CHN1: variants seen among roughly 807,000 people sequenced by gnomAD.
CHN1 encodes N-chimaerin.
CHN1 carries 37 observed loss-of-function variants against 59.5 expected under a neutral mutation model. That is an observed-to-expected ratio of 0.62 (90% CI 0.48 to 0.82). CHN1 has a LOEUF of 0.82. CHN1 is among the 40% of genes least tolerant of loss of function. The probability of loss-of-function intolerance (pLI) is 0.00; values close to 1 mark genes in which losing one functional copy is unlikely to be tolerated. For missense variants in CHN1, 469 were observed against 571.0 expected, an observed-to-expected ratio of 0.82 and a Z score of 1.82; for synonymous variants, 206 against 200.4, an observed-to-expected ratio of 1.03 and a Z score of -0.24.
intron 11 of CHN1, among the ~76,000 whole-genome samples, chr2:174,807,190 T>C (rs1356076627): frequency 1.3e-5 from 2 of 152,080 alleles, no homozygotes; most frequent in Non-Finnish European, 2.9e-5. Context: ...GGAGAGGTCA[T>C]TTGGAATTGT....
Position 174,994,589 on chromosome 2 carries a change from G to A in CHN1, c.19+10305C>T, listed in dbSNP as rs986068614. Among the ~76,000 whole-genome samples, 64 of 152,204 alleles carry A rather than the reference G, an allele frequency of 4.2e-4. 2 individuals carry two copies. ...ACGTCACCACACAATAAGTGCTAGG[G>A]CAGAGATGGGTAGTATAGGGCACTC... On this transcript the variant is annotated intron_variant, in intron 1 of 12. Transcript: ENST00000409900.
At chr2:174,813,504 A>G (rs1486841142) in intron 8 of CHN1, among the ~76,000 whole-genome samples, 1 of 152,238 alleles carries the variant, frequency 6.6e-6, no homozygotes, top group Non-Finnish European at 1.5e-5. Flanking sequence ...TATAACTTCT[A>G]AGATGCCAGA....
intron 1 of CHN1, among the ~76,000 whole-genome samples, chr2:174,962,726 A>G (rs991133294): frequency 1.5e-5 from 2 of 130,744 alleles, no homozygotes; most frequent in East Asian, 5.2e-4. Flanking sequence ...CCTAGCCAAC[A>G]GGGTGAAACC....
At chr2:174,994,140 TTTG>T (rs1253208296) in intron 1 of CHN1, among the ~76,000 whole-genome samples, 1 of 152,228 alleles carries the variant, frequency 6.6e-6, no homozygotes, top group Non-Finnish European at 1.5e-5. Flanking sequence ...TGAAGTGGAA[TTTG>T]TTATCTAATT....
rs139805071 is a variant in CHN1, at chr2:174,844,562, G to A, written c.627+2318C>T. ...TGACAAGGATACATGAATGATTATC[G>A]TCATGGAAATGCTACGGTTTTTCCC... On this transcript the variant is annotated intron_variant, in intron 7 of 12. Transcript: ENST00000409900. Among the ~76,000 whole-genome samples the A allele has an allele frequency of 4.5e-3, 678 of 152,244 alleles. 6 individuals are homozygous for A. Among genetic ancestry groups the A allele is most frequent in the African/African-American group, 0.015 (638 of 41,540 alleles).
Position 174,941,734 on chromosome 2 carries a change from AT to A in CHN1, c.114+3153del, listed in dbSNP as rs879329130. Among the ~76,000 whole-genome samples, 13 of 150,810 alleles carry A rather than the reference AT, an allele frequency of 8.6e-5. No individual in the cohort carries two copies. In the East Asian group the frequency reaches 1.4e-3, roughly 16 times the overall value. On this transcript the variant is annotated intron_variant, in intron 3 of 12. Transcript: ENST00000409900. Reference sequence around the variant, plus strand: ...TGCTTCTCTTTTGCAAAAATAAACTATTTTTTTTTCTTTTTTATGGAGAACA... The same window carrying A: ...TGCTTCTCTTTTGCAAAAATAAACTATTTTTTTTCTTTTTTATGGAGAACA...
intron 5 of CHN1, among the ~76,000 whole-genome samples, chr2:174,907,890 ATG>A (rs1688586525): frequency 6.6e-6 from 1 of 152,184 alleles, no homozygotes; most frequent in African/African-American, 2.4e-5. Flanking sequence ...AATTTATGAA[ATG>A]TGACATATTT....
chr2:174,807,502 GTGTGTGTGTGTTGC>G (rs1684932551), intron 11 of CHN1, among the ~76,000 whole-genome samples: 1 of 134,012 alleles, frequency 7.5e-6, no homozygotes, highest in Non-Finnish European at 1.6e-5. Context: ...GTGTGTGTGT[GTGTGTGTGTGTTGC>G]TTTCTAGATG....
intron 7 of CHN1, among the ~76,000 whole-genome samples, chr2:174,833,151 G>A (rs889512474): frequency 6.6e-6 from 1 of 151,980 alleles, no homozygotes; most frequent in Non-Finnish European, 1.5e-5. Context: ...CAAATTGGTT[G>A]ATACTGTTCT....
At chr2:175,001,214 C>G (rs1257447704) in intron 1 of CHN1, among the ~76,000 whole-genome samples, 2 of 152,182 alleles carry the variant, frequency 1.3e-5, no homozygotes, top group Non-Finnish European at 2.9e-5. Context: ...ACTGGGCCAG[C>G]CTCTTGTATT....
intron 7 of CHN1, among the ~76,000 whole-genome samples, chr2:174,825,116 C>A (rs576712366): frequency 6.6e-6 from 1 of 152,302 alleles, no homozygotes; most frequent in South Asian, 2.1e-4. Flanking sequence ...CTAATCTATA[C>A]AAATACTGGC....
At chr2:174,834,238 T>G (rs1262096682) in intron 7 of CHN1, among the ~76,000 whole-genome samples, 2 of 152,254 alleles carry the variant, frequency 1.3e-5, no homozygotes, top group Non-Finnish European at 2.9e-5. Context: ...TCATACATTT[T>G]GCTTGTATAA....
At chr2:174,956,923 C>T (rs549768232) in intron 1 of CHN1, among the ~76,000 whole-genome samples, 28 of 152,262 alleles carry the variant, frequency 1.8e-4, no homozygotes, top group African/African-American at 6.3e-4. Flanking sequence ...AATACTGAAC[C>T]ACTGCTCCTG....
At chr2:174,831,355 G>A (rs1363696787) in intron 7 of CHN1, among the ~76,000 whole-genome samples, 1 of 152,110 alleles carries the variant, frequency 6.6e-6, no homozygotes, top group East Asian at 1.9e-4. Flanking sequence ...TGAATGCAAA[G>A]GTTGCACAGA....
intron 8 of CHN1, among the ~76,000 whole-genome samples, chr2:174,817,638 CTTT>C (rs958427207): frequency 7.0e-5 from 9 of 129,426 alleles, no homozygotes; most frequent in Admixed American, 7.8e-5. Flanking sequence ...ATTTTTTTTT[CTTT>C]TTTTTTTTTT....
chr2:174,890,842 G>A (rs1044196167), intron 5 of CHN1, among the ~76,000 whole-genome samples: 1 of 151,952 alleles, frequency 6.6e-6, no homozygotes, highest in East Asian at 1.9e-4. Context: ...CTCAAAACAA[G>A]TCTTAAAAAA....
Position 174,957,450 on chromosome 2 carries a change from G to GGT in CHN1, c.20-5249_20-5248insAC, listed in dbSNP as rs992042793. ...CCTCTGCTAGGGTGTGTGTGTTGGG[G>GGT]GGGGGGGCAGTTAATTATATTGAAG... On this transcript the variant is annotated intron_variant, in intron 1 of 12. Coordinates refer to ENST00000409900, the MANE Select transcript of CHN1 (RefSeq NM_001822.7). 1.3e-4 allele frequency among the ~76,000 whole-genome samples: 18 copies of GGT among 143,096 alleles called. 1 individual carries two copies. The highest frequency in any genetic ancestry group is 1.0e-3 in the Admixed American group (15 of 14,414). 93.9% of individuals were successfully genotyped at this position (143,096 alleles called of 152,430 possible).
At chr2:174,832,969 G>A (rs1237623758) in intron 7 of CHN1, among the ~76,000 whole-genome samples, 1 of 151,982 alleles carries the variant, frequency 6.6e-6, no homozygotes, top group African/African-American at 2.4e-5. Context: ...TACTCTTATG[G>A]GACCACTGTC....
chr2:174,868,988 T>G lies in CHN1; in HGVS notation c.549+8852A>C, dbSNP rs181931796. Among the ~76,000 whole-genome samples, 8 of 152,290 alleles carry G rather than the reference T, an allele frequency of 5.3e-5. No individual in the cohort carries two copies. In the East Asian group the frequency reaches 1.5e-3, roughly 29 times the overall value. Reference sequence around the variant, plus strand: ...CTCAGAGAGCAGGGGATGCTCTACTTTCCCATCAACTGTGATCATGAGTAT... The same window carrying G: ...CTCAGAGAGCAGGGGATGCTCTACTGTCCCATCAACTGTGATCATGAGTAT... On this transcript the variant is annotated intron_variant, in intron 6 of 12. Transcript: ENST00000409900.
Sources: allele counts gnomAD v4.1 joint callset (sites outside exome capture counted in the v4.1 genomes callset), GRCh38; gene constraint gnomAD v4.1.1; transcripts MANE v1.5; gene names NCBI Gene and HGNC (gene_info 2026-07-23, HGNC 2026-07-21).